MED19: variants seen among roughly 807,000 people sequenced by gnomAD.
MED19 encodes the protein mediator complex subunit 19.
Under a neutral mutation model 19.9 loss-of-function variants are expected in MED19, and 4 were observed. The ratio of observed to expected loss-of-function variants is 0.20; its 90% CI spans 0.10 to 0.46. The LOEUF is 0.46. MED19 is among the 20% of genes least tolerant of loss of function. The pLI is 0.99. For synonymous variants in MED19, 139 were observed against 119.6 expected (o/e 1.16, Z -1.06); for missense variants, 303 against 318.7 (o/e 0.95, Z 0.38).
In MED19 at chr11:57,704,820, A is replaced by G; in HGVS notation, c.475-5T>C. On this transcript the variant is annotated splice_region_variant and splice_polypyrimidine_tract_variant and intron_variant, in intron 2 of 4. Transcript: ENST00000431606. Reference sequence around the variant, plus strand: ...CAGACGACACTGCTCCGGCAACTGAAGGAACCAAAGGAAGGTCCAGGTGAG... The same window carrying G: ...CAGACGACACTGCTCCGGCAACTGAGGGAACCAAAGGAAGGTCCAGGTGAG... The G allele has an allele frequency of 6.2e-7, 1 of 1,613,632 alleles. No individual in the cohort carries two copies. Among genetic ancestry groups the G allele is most frequent in the East Asian group, 2.2e-5 (1 of 44,872 alleles).
At chr11:57,705,929 C>T (rs1946503186) in intron 1 of MED19, among the ~76,000 whole-genome samples, 1 of 151,736 alleles carries the variant, frequency 6.6e-6, no homozygotes, top group African/African-American at 2.4e-5. Flanking sequence ...TACGACCTTG[C>T]AGCTCAGCTA....
chr11:57,711,671 G>A (rs1486318795), intron 1 of MED19, among the ~76,000 whole-genome samples: 1 of 152,112 alleles, frequency 6.6e-6, no homozygotes, highest in Non-Finnish European at 1.5e-5. Context: ...ATTTTTTAGA[G>A]AGACATAAAC....
At chr11:57,706,770 AAAC>A (rs1288402856) in intron 1 of MED19, among the ~76,000 whole-genome samples, 1 of 152,122 alleles carries the variant, frequency 6.6e-6, no homozygotes. Context: ...AAAAACAAAA[AAAC>A]AAGTCAGGCA....
exon 1 of MED19, chr11:57,712,173 T>C: frequency 6.6e-7 from 1 of 1,524,828 alleles, no homozygotes; most frequent in Non-Finnish European, 8.8e-7. Flanking sequence ...GCCGTGAAAT[T>C]CTCCATCGTA....
At chr11:57,705,481 C>T (rs372192414) in intron 1 of MED19, among the ~76,000 whole-genome samples, 176 of 151,950 alleles carry the variant, frequency 1.2e-3, no homozygotes, top group African/African-American at 4.0e-3. Flanking sequence ...GGTGAAACTC[C>T]GTCTCTAGTA....
chr11:57,704,864 CCTG>C (rs752856806), intron 2 of MED19, 49 bp from the exon 3 acceptor site: 2 of 1,610,184 alleles, frequency 1.2e-6, no homozygotes, highest in South Asian at 1.1e-5. Context: ...GGAAATCTCT[CCTG>C]CTCTTATCAT....
exon 1 of MED19, chr11:57,712,111 G>A: frequency 3.9e-6 from 6 of 1,527,774 alleles, no homozygotes; most frequent in South Asian, 1.2e-5. Flanking sequence ...TTCCTGGTCC[G>A]AAGCCGAGTG....
exon 5 of MED19, chr11:57,704,055 T>A (rs1175059208): frequency 6.5e-7 from 1 of 1,536,068 alleles, no homozygotes; most frequent in Non-Finnish European, 8.7e-7. Context: ...AGGCTGCTGC[T>A]GCTGCTGGCC....
At chr11:57,704,656 TTCAGAA>T in intron 3 of MED19, 57 bp downstream of exon 3, 1 of 1,571,786 alleles carries the variant, frequency 6.4e-7, no homozygotes, top group Non-Finnish European at 8.7e-7. Context: ...TCAAACCAGA[TTCAGAA>T]GGTCAGGTTT....
At chr11:57,712,196 G>T (rs200535642) in exon 1 of MED19, 66 of 1,507,350 alleles carry the variant, frequency 4.4e-5, no homozygotes, top group Non-Finnish European at 5.8e-5. Flanking sequence ...CTCCGCCCCG[G>T]CGCTGTCTCC....
At chr11:57,710,451 C>T (rs1450976002) in intron 1 of MED19, among the ~76,000 whole-genome samples, 2 of 152,118 alleles carry the variant, frequency 1.3e-5, no homozygotes, top group Non-Finnish European at 2.9e-5. Flanking sequence ...ACTCTCCCAG[C>T]TTCATCTCTC....
intron 1 of MED19, among the ~76,000 whole-genome samples, chr11:57,710,869 A>G (rs1034101753): frequency 2.0e-5 from 3 of 152,048 alleles, no homozygotes; most frequent in African/African-American, 7.2e-5. Context: ...TTAATCTTGT[A>G]TATTTTGTAG....
exon 3 of MED19, chr11:57,704,781 G>A (rs1460975004): frequency 6.2e-7 from 1 of 1,613,052 alleles, no homozygotes; most frequent in Middle Eastern, 1.7e-4. Context: ...CTTCTTGGGA[G>A]GCTGAATATG....
At chr11:57,707,610 T>G (rs1259617175) in intron 1 of MED19, among the ~76,000 whole-genome samples, 1 of 152,200 alleles carries the variant, frequency 6.6e-6, no homozygotes, top group African/African-American at 2.4e-5. Context: ...CTCAGAAGAC[T>G]GAGCGAGGGT....
chr11:57,712,206 C>G lies in MED19; in HGVS notation c.-27G>C, dbSNP rs530963350. The G allele has an allele frequency of 6.0e-6, 9 of 1,488,472 alleles. No individual in the cohort carries two copies. The East Asian group carries it at 2.2e-4, about 36-fold the overall frequency. 92.2% of individuals were successfully genotyped at this position (1,488,472 alleles called of 1,614,324 possible). A position where few individuals can be genotyped will look rare whatever the true frequency, so the allele number is the denominator to read the frequency against. ...GTACCCTCCGCCCCGGCGCTGTCTC[C>G]GTGTCTGCCGTTGGTAATTTTCATT... is the stretch of plus-strand genomic sequence containing the variant. On this transcript the variant is annotated 5_prime_UTR_variant, in exon 1 of 5. Coordinates refer to ENST00000431606, the Ensembl canonical transcript of MED19.
chr11:57,708,073 A>G (rs901943809), intron 1 of MED19, among the ~76,000 whole-genome samples: 1 of 152,004 alleles, frequency 6.6e-6, no homozygotes, highest in Non-Finnish European at 1.5e-5. Flanking sequence ...GACTCAAGCT[A>G]TCTGCCTGCC....
At chr11:57,706,219 C>T (rs770259975) in intron 1 of MED19, among the ~76,000 whole-genome samples, 9 of 152,086 alleles carry the variant, frequency 5.9e-5, no homozygotes, top group Non-Finnish European at 1.3e-4. Context: ...ACGATCTTGG[C>T]TCACTGCAAC....
intron 1 of MED19, among the ~76,000 whole-genome samples, chr11:57,709,380 T>A (rs7933185): frequency 2.4e-3 from 333 of 138,272 alleles, no homozygotes; most frequent in Non-Finnish European, 4.3e-3. Flanking sequence ...AAACTCTGTT[T>A]AAAAAAAAAA....
exon 2 of MED19, chr11:57,705,196 A>T: frequency 6.2e-7 from 1 of 1,614,178 alleles, no homozygotes; most frequent in Non-Finnish European, 8.5e-7. Flanking sequence ...GTAGTGTGTG[A>T]TCAGATTCGT....
Sources: allele counts gnomAD v4.1 joint callset (sites outside exome capture counted in the v4.1 genomes callset), GRCh38; gene constraint gnomAD v4.1.1; transcripts MANE v1.5; gene names NCBI Gene and HGNC (gene_info 2026-07-23, HGNC 2026-07-21).